Variants in FOXP1 observed in about 807,000 individuals in gnomAD.
The protein encoded by FOXP1 is forkhead box P1.
Under a neutral mutation model 98.2 loss-of-function variants are expected in FOXP1, and 15 were observed. The ratio of observed to expected loss-of-function variants is 0.15; its 90% CI spans 0.10 to 0.24. The LOEUF (loss-of-function observed/expected upper bound fraction) is 0.24, where lower values mean the gene tolerates loss of function less well. Among genes scored for constraint, FOXP1 ranks in the 10% least tolerant of loss-of-function variants. FOXP1 has a pLI of 1.00. For missense variants in FOXP1, 633 were observed against 848.5 expected, an observed-to-expected ratio of 0.75 and a Z score of 3.15; for synonymous variants, 371 against 314.5, an observed-to-expected ratio of 1.18 and a Z score of -1.90.
intron 3 of FOXP1, among the ~76,000 whole-genome samples, chr3:71,376,217 T>C (rs1274141660): frequency 6.6e-6 from 1 of 152,104 alleles, no homozygotes; most frequent in East Asian, 1.9e-4. Flanking sequence ...CACAAACCAC[T>C]GGAGTAAGAT....
At chr3:70,974,939 G>C (rs1296386057) in intron 17 of FOXP1, among the ~76,000 whole-genome samples, 1 of 152,100 alleles carries the variant, frequency 6.6e-6, no homozygotes, top group Non-Finnish European at 1.5e-5. Flanking sequence ...GCACATCTAA[G>C]CAGAAAGCGA....
At position 70,956,422 on chromosome 3, in the gene FOXP1, T is replaced by C. The variant is rs1372377429; in HGVS notation, c.*2825A>G. The stretch of plus-strand genomic sequence containing the variant: ...ATGTAAAATCTAATTTTTCTTTTTT[T>C]TTTTTTTTTGCTACAGTCTTTAGAC... On this transcript the variant is annotated 3_prime_UTR_variant, in exon 21 of 21. Transcript: ENST00000649528. The C allele has an allele frequency of 2.2e-5, 5 of 230,558 alleles. No individual in the cohort carries two copies. The highest frequency in any genetic ancestry group is 1.2e-3 in the Middle Eastern group (1 of 802). 14.3% of individuals were successfully genotyped at this position (230,558 alleles called of 1,614,324 possible).
At chr3:71,551,277 G>A (rs1443068884) in intron 2 of FOXP1, among the ~76,000 whole-genome samples, 1 of 152,142 alleles carries the variant, frequency 6.6e-6, no homozygotes, top group Non-Finnish European at 1.5e-5. Flanking sequence ...TTATAAAAGT[G>A]TGCTATAAAA....
chr3:71,217,268 T>G (rs956038418), intron 5 of FOXP1, among the ~76,000 whole-genome samples: 2 of 152,092 alleles, frequency 1.3e-5, no homozygotes, highest in African/African-American at 4.8e-5. Flanking sequence ...AGATGGGGTT[T>G]CATCATGTTG....
At chr3:71,369,156 G>A (rs2079117030) in intron 3 of FOXP1, among the ~76,000 whole-genome samples, 2 of 151,982 alleles carry the variant, frequency 1.3e-5, no homozygotes, top group South Asian at 4.1e-4. Flanking sequence ...TTGGGAGGCT[G>A]AGGCAGGTGA....
chr3:71,539,216 A>G (rs867398641), intron 2 of FOXP1, among the ~76,000 whole-genome samples: 5 of 149,528 alleles, frequency 3.3e-5, no homozygotes, highest in Non-Finnish European at 3.0e-5. Flanking sequence ...GGTTCACGCC[A>G]TTCTCCTGCC....
rs193086334 is a variant in FOXP1 at position 71,050,511 on chromosome 3, T to C, written c.510+2026A>G. Among the ~76,000 whole-genome samples the C allele has an allele frequency of 2.0e-5, 3 of 152,246 alleles. No homozygotes were observed. In the East Asian group the frequency reaches 5.8e-4, roughly 29 times the overall value. On this transcript the variant is annotated intron_variant, in intron 9 of 20. Coordinates refer to ENST00000649528, the MANE Select transcript of FOXP1 (RefSeq NM_001349338.3). Reference sequence around the variant, plus strand: ...CCTTTGAAAAGAAAGAAGCACAAAATAACAACAGGGGGTTATTGCCTGCAA... The same window carrying C: ...CCTTTGAAAAGAAAGAAGCACAAAACAACAACAGGGGGTTATTGCCTGCAA...
At chr3:71,140,403 A>AGTCTCAGATTTTT (rs1383185788) in intron 6 of FOXP1, among the ~76,000 whole-genome samples, 6 of 152,234 alleles carry the variant, frequency 3.9e-5, no homozygotes, top group Admixed American at 3.9e-4. Flanking sequence ...GCACTCAAGA[A>AGTCTCAGATTTTT]GTCTCAGATT....
At chr3:71,422,736 G>T in intron 3 of FOXP1, among the ~76,000 whole-genome samples, 1 of 152,178 alleles carries the variant, frequency 6.6e-6, no homozygotes, top group East Asian at 1.9e-4. Context: ...TTCAGAGAAG[G>T]ATCTAGGGGA....
chr3:71,323,082 T>C (rs1275496844), intron 4 of FOXP1, among the ~76,000 whole-genome samples: 1 of 152,050 alleles, frequency 6.6e-6, no homozygotes, highest in Non-Finnish European at 1.5e-5. Flanking sequence ...GCAATTCTCT[T>C]GCCTCAGCCT....
intron 5 of FOXP1, among the ~76,000 whole-genome samples, chr3:71,212,644 A>G (rs1365992765): frequency 1.3e-5 from 2 of 152,204 alleles, no homozygotes; most frequent in African/African-American, 4.8e-5. Context: ...TTTATTTAGT[A>G]GCAAGTAACT....
chr3:71,411,899 C>T (rs1160928081), intron 3 of FOXP1, among the ~76,000 whole-genome samples: 4 of 152,200 alleles, frequency 2.6e-5, no homozygotes, highest in African/African-American at 9.7e-5. Flanking sequence ...ATTACCCATC[C>T]ACCGACTGAG....
At chr3:71,317,581 C>T (rs1390004377) in intron 4 of FOXP1, among the ~76,000 whole-genome samples, 1 of 152,156 alleles carries the variant, frequency 6.6e-6, no homozygotes, top group Non-Finnish European at 1.5e-5. Flanking sequence ...CTGCCTTTCA[C>T]GTGACTTAGT....
chr3:71,539,914 G>A (rs1248156190), intron 2 of FOXP1, among the ~76,000 whole-genome samples: 1 of 152,200 alleles, frequency 6.6e-6, no homozygotes, highest in Non-Finnish European at 1.5e-5. Flanking sequence ...TAAGCTTCAT[G>A]AGAGCACAAA....
chr3:71,241,574 C>A (rs1021332206), intron 5 of FOXP1, among the ~76,000 whole-genome samples: 5 of 152,166 alleles, frequency 3.3e-5, no homozygotes, highest in Non-Finnish European at 7.3e-5. Context: ...AAACTCTTCA[C>A]ATCAAACAGT....
chr3:71,460,792 A>T (rs1455221502), intron 3 of FOXP1, among the ~76,000 whole-genome samples: 2 of 152,158 alleles, frequency 1.3e-5, no homozygotes, highest in Admixed American at 6.5e-5. Flanking sequence ...TACATTATAC[A>T]CTGGTAGCTG....
At chr3:71,526,075 C>G (rs559459405) in intron 2 of FOXP1, among the ~76,000 whole-genome samples, 1 of 152,078 alleles carries the variant, frequency 6.6e-6, no homozygotes, top group South Asian at 2.1e-4. Context: ...GAGCCAAGAT[C>G]GCACCACTGC....
chr3:71,100,804 C>T (rs1054242112), intron 7 of FOXP1, among the ~76,000 whole-genome samples: 6 of 152,190 alleles, frequency 3.9e-5, no homozygotes, highest in African/African-American at 1.4e-4. Context: ...TCTCCCCTCT[C>T]CCCAGTCAGA....
intron 9 of FOXP1, among the ~76,000 whole-genome samples, chr3:71,049,435 A>G (rs2049527816): frequency 6.6e-6 from 1 of 152,120 alleles, no homozygotes; most frequent in African/African-American, 2.4e-5. Flanking sequence ...TATTGGGCCT[A>G]CATCCTCTCT....
Sources: gnomAD v4.1 joint callset for allele counts (sites outside exome capture counted in the v4.1 genomes callset) on GRCh38, gnomAD v4.1.1 for gene constraint, MANE v1.5 for transcripts, NCBI Gene and HGNC (gene_info 2026-07-23, HGNC 2026-07-21) for gene names.